DLGAP1: variants seen among roughly 807,000 people sequenced by gnomAD.
DLGAP1 encodes the protein disks large-associated protein 1.
Under a neutral mutation model 90.8 loss-of-function variants are expected in DLGAP1, and 11 were observed. The observed-to-expected ratio is 0.12, with a 90% CI of 0.08 to 0.20. The LOEUF (loss-of-function observed/expected upper bound fraction) is 0.20, where lower values mean the gene tolerates loss of function less well. DLGAP1 is among the 10% of genes least tolerant of loss of function. The probability of loss-of-function intolerance (pLI) is 1.00; values close to 1 mark genes in which losing one functional copy is unlikely to be tolerated. For synonymous variants in DLGAP1, 558 were observed against 540.7 expected (o/e 1.03, Z -0.44); for missense variants, 1,050 against 1,333.8 (o/e 0.79, Z 3.31).
intron 7 of DLGAP1, among the ~76,000 whole-genome samples, chr18:3,600,895 T>TAG (rs1568279092): frequency 1.0e-5 from 1 of 100,402 alleles, no homozygotes; most frequent in African/African-American, 4.4e-5. Flanking sequence ...GATATATAGA[T>TAG]ATATATAGAT....
intron 7 of DLGAP1, among the ~76,000 whole-genome samples, chr18:3,677,646 G>T (rs898586362): frequency 1.3e-5 from 2 of 152,058 alleles, no homozygotes; most frequent in Non-Finnish European, 2.9e-5. Context: ...CCAGCTACTT[G>T]CTCTCTTTTT....
chr18:4,454,778 C>A lies in DLGAP1; in HGVS notation c.-267+228G>T, dbSNP rs937332024. 6.6e-6 allele frequency among the ~76,000 whole-genome samples: 1 copy of A among 151,862 alleles called. No individual in the cohort carries two copies. Among genetic ancestry groups the A allele is most frequent in the Non-Finnish European group, 1.5e-5 (1 of 67,926 alleles). On this transcript the variant is annotated intron_variant, in intron 1 of 12. Transcript: ENST00000315677. This position sits in a 1 kb window ranked among gnomAD's most constrained non-coding sequence, Gnocchi z 4.7. Reference sequence around the variant, plus strand: ...ACCGCATGGCCGGAGAGGACGCGCTCGCCCCCGAGATCCCAGGTTACCCGG... The same window carrying A: ...ACCGCATGGCCGGAGAGGACGCGCTAGCCCCCGAGATCCCAGGTTACCCGG...
chr18:3,515,344 A>G (rs943312961), intron 10 of DLGAP1, among the ~76,000 whole-genome samples: 1 of 151,548 alleles, frequency 6.6e-6, no homozygotes, highest in Non-Finnish European at 1.5e-5. Flanking sequence ...GGTGGCGGGC[A>G]CTGTAGACCC....
intron 7 of DLGAP1, among the ~76,000 whole-genome samples, chr18:3,608,985 G>GCCA (rs2057461778): frequency 6.6e-6 from 1 of 151,828 alleles, no homozygotes; most frequent in Non-Finnish European, 1.5e-5. Flanking sequence ...ACAGGCATGT[G>GCCA]CCACCACGCC....
intron 5 of DLGAP1, among the ~76,000 whole-genome samples, chr18:3,803,969 T>G (rs2066437590): frequency 3.2e-5 from 2 of 63,064 alleles, no homozygotes; most frequent in Non-Finnish European, 6.0e-5. Flanking sequence ...TATATATATA[T>G]ATATATATAT....
intron 7 of DLGAP1, among the ~76,000 whole-genome samples, chr18:3,583,230 CTT>C (rs1357285622): frequency 6.6e-6 from 1 of 151,318 alleles, no homozygotes; most frequent in African/African-American, 2.4e-5. Flanking sequence ...CCCTCCCTCC[CTT>C]TCTCTCTCTG....
At chr18:4,000,390 T>C (rs1232270486) in intron 3 of DLGAP1, among the ~76,000 whole-genome samples, 1 of 152,192 alleles carries the variant, frequency 6.6e-6, no homozygotes, top group African/African-American at 2.4e-5. Flanking sequence ...ATATTCTCTT[T>C]CCAGTTTATG....
intron 2 of DLGAP1, among the ~76,000 whole-genome samples, chr18:4,147,593 CCATCCATCCATCCAT>C (rs1299287704): frequency 6.6e-6 from 1 of 151,398 alleles, no homozygotes; most frequent in Non-Finnish European, 1.5e-5. Context: ...ATCCATCCAT[CCATCCATCCATCCAT>C]CCATCCATCC....
intron 5 of DLGAP1, among the ~76,000 whole-genome samples, chr18:3,799,581 C>T (rs1461286873): frequency 1.3e-5 from 2 of 151,496 alleles, no homozygotes; most frequent in African/African-American, 4.9e-5. Flanking sequence ...ATTGTTACCT[C>T]CGGGGCACAG....
At chr18:4,424,326 T>G (rs2083105686) in intron 1 of DLGAP1, among the ~76,000 whole-genome samples, 1 of 152,196 alleles carries the variant, frequency 6.6e-6, no homozygotes, top group Non-Finnish European at 1.5e-5. Flanking sequence ...ACTTGACTCC[T>G]GATAAGCAAC....
rs1378879768 is a variant in DLGAP1 at position 3,636,665 on chromosome 18, C to T, written c.1592-54417G>A. ...TCCTGATCTCAAGTGATTCACCCGC[C>T]TCGGCCTCCCAAAGTGTTGGGATTA... On this transcript the variant is annotated intron_variant, in intron 7 of 12. Coordinates refer to ENST00000315677, the MANE Select transcript of DLGAP1 (RefSeq NM_004746.4). Among the ~76,000 whole-genome samples, 4 of 151,112 alleles carry T rather than the reference C, an allele frequency of 2.6e-5. 1 individual carries two copies. The highest frequency in any genetic ancestry group is 9.8e-5 in the African/African-American group (4 of 41,012).
At chr18:3,847,524 A>G (rs2069085812) in intron 4 of DLGAP1, among the ~76,000 whole-genome samples, 1 of 152,144 alleles carries the variant, frequency 6.6e-6, no homozygotes, top group South Asian at 2.1e-4. Context: ...GGAATAAAAG[A>G]AGGAGGAAGA....
intron 2 of DLGAP1, among the ~76,000 whole-genome samples, chr18:4,047,512 CT>C (rs1283449619): frequency 6.6e-6 from 1 of 152,152 alleles, no homozygotes; most frequent in Non-Finnish European, 1.5e-5. Context: ...GAATATTTAG[CT>C]ATGAAACATA....
intron 6 of DLGAP1, among the ~76,000 whole-genome samples, chr18:3,736,020 C>T (rs915913920): frequency 4.6e-5 from 7 of 151,960 alleles, no homozygotes; most frequent in Admixed American, 1.3e-4. Flanking sequence ...AGGGGATGGC[C>T]TAAGTCAAAG....
chr18:3,597,491 G>C (rs1039237157), intron 7 of DLGAP1: 4 of 346,334 alleles, frequency 1.2e-5, no homozygotes, highest in Non-Finnish European at 2.2e-5. Flanking sequence ...AGTGGCCTGT[G>C]TATGAACCAG....
chr18:4,402,006 C>T (rs62087780), intron 1 of DLGAP1, among the ~76,000 whole-genome samples: 5,577 of 152,274 alleles, frequency 0.037, 113 homozygotes, highest in South Asian at 0.096. Flanking sequence ...GATTTAAGCA[C>T]CACACTGAGG....
At chr18:4,377,717 C>T (rs1350833279) in intron 1 of DLGAP1, among the ~76,000 whole-genome samples, 1 of 151,872 alleles carries the variant, frequency 6.6e-6, no homozygotes, top group Non-Finnish European at 1.5e-5. Flanking sequence ...TGAAAAGAAG[C>T]CAAAAAAATT....
intron 5 of DLGAP1, among the ~76,000 whole-genome samples, chr18:3,793,483 A>G (rs2065841516): frequency 6.6e-6 from 1 of 151,524 alleles, no homozygotes; most frequent in African/African-American, 2.4e-5. Flanking sequence ...CAAAGTATTG[A>G]CTTCCATTCT....
Position 4,027,912 on chromosome 18 carries a change from G to C in DLGAP1, c.-158-22711C>G, listed in dbSNP as rs570882924. 4.6e-5 allele frequency among the ~76,000 whole-genome samples: 7 copies of C among 152,302 alleles called. No individual in the cohort carries two copies. The East Asian group carries it at 9.6e-4, about 21-fold the overall frequency. ...AAGCTGCTCCTTAAAACCATTCTTT[G>C]TGGTGCCTTCAAGATGGTTTTGCTT... On this transcript the variant is annotated intron_variant, in intron 2 of 12. Coordinates refer to ENST00000315677, the MANE Select transcript of DLGAP1 (RefSeq NM_004746.4).
Sources: allele counts gnomAD v4.1 joint callset (sites outside exome capture counted in the v4.1 genomes callset), GRCh38; gene constraint gnomAD v4.1.1; non-coding constraint Gnocchi (gnomAD v3.1); transcripts MANE v1.5; gene names NCBI Gene and HGNC (gene_info 2026-07-23, HGNC 2026-07-21).